GPHN: variants seen among roughly 807,000 people sequenced by gnomAD.
GPHN encodes the protein gephyrin.
A neutral mutation model predicts 95.5 loss-of-function variants in GPHN; 17 were observed. The observed-to-expected ratio is 0.18, with a 90% CI of 0.12 to 0.27. The LOEUF (loss-of-function observed/expected upper bound fraction) is 0.27, where lower values mean the gene tolerates loss of function less well. Among genes scored for constraint, GPHN ranks in the 10% least tolerant of loss-of-function variants. GPHN has a pLI of 1.00. For missense variants in GPHN, 660 were observed against 978.1 expected, an observed-to-expected ratio of 0.67 and a Z score of 4.34; for synonymous variants, 320 against 322.5, an observed-to-expected ratio of 0.99 and a Z score of 0.08.
intron 2 of GPHN, among the ~76,000 whole-genome samples, chr14:66,741,182 C>T (rs1231341908): frequency 6.6e-6 from 1 of 152,178 alleles, no homozygotes; most frequent in African/African-American, 2.4e-5. Context: ...TTGGGGAACA[C>T]ATTCAAACTA....
the GPHN span, chr14:67,674,601 C>T: frequency 2.4e-6 from 2 of 827,632 alleles, no homozygotes; most frequent in Admixed American, 3.5e-5. Context: ...GCCGCACCAC[C>T]GCCGCCCAGG....
intron 18 of GPHN, among the ~76,000 whole-genome samples, chr14:67,151,849 G>T (rs2081306197): frequency 6.6e-6 from 1 of 152,030 alleles, no homozygotes; most frequent in Non-Finnish European, 1.5e-5. Flanking sequence ...TCACCATGTT[G>T]GCCAAGCTGG....
At chr14:67,688,754 A>G in the GPHN span, among the ~76,000 whole-genome samples, 1 of 152,118 alleles carries the variant, frequency 6.6e-6, no homozygotes, top group Non-Finnish European at 1.5e-5. Flanking sequence ...GCTTTTTACA[A>G]TGAGAATTAT....
At chr14:67,238,268 T>G in the GPHN span, among the ~76,000 whole-genome samples, 1 of 138,186 alleles carries the variant, frequency 7.2e-6, no homozygotes, top group African/African-American at 3.1e-5. Flanking sequence ...TTTCTTGCTT[T>G]CTTTTTTTTT....
chr14:66,834,876 A>T (rs1335046950), intron 4 of GPHN, among the ~76,000 whole-genome samples: 1 of 140,412 alleles, frequency 7.1e-6, no homozygotes, highest in African/African-American at 2.7e-5. Context: ...CTGTGAATCC[A>T]TCTGGTCCTG....
the GPHN span, among the ~76,000 whole-genome samples, chr14:67,331,329 G>A: frequency 6.6e-6 from 1 of 152,196 alleles, no homozygotes; most frequent in Non-Finnish European, 1.5e-5. Context: ...ACAGGCGGGG[G>A]AGCCCCTGCG....
rs1159957573 is a variant in GPHN at position 66,546,110 on chromosome 14, C to T, written c.64+37519C>T. On this transcript the variant is annotated intron_variant, in intron 1 of 22. Coordinates refer to ENST00000478722, the MANE Select transcript of GPHN (RefSeq NM_020806.5). ...CCCAGACGGGGCGGCGGGGCAGAGGCGCTCCCCACATCTCAGACGATGGGC... is the reference window on the plus strand; with the variant it reads ...CCCAGACGGGGCGGCGGGGCAGAGGTGCTCCCCACATCTCAGACGATGGGC... Among the ~76,000 whole-genome samples, 5 of 148,720 alleles carry T rather than the reference C, an allele frequency of 3.4e-5. No individual in the cohort carries two copies. In the South Asian group the frequency reaches 8.5e-4, roughly 25 times the overall value.
intron 2 of GPHN, among the ~76,000 whole-genome samples, chr14:66,707,322 C>T (rs1224433845): frequency 6.6e-6 from 1 of 152,132 alleles, no homozygotes; most frequent in African/African-American, 2.4e-5. Flanking sequence ...GGTATATACC[C>T]AGAGGAATAT....
chr14:66,766,024 C>A (rs1422332296), intron 2 of GPHN, among the ~76,000 whole-genome samples: 2 of 152,056 alleles, frequency 1.3e-5, no homozygotes, highest in African/African-American at 2.4e-5. Flanking sequence ...CCAGTTTAAG[C>A]AGGACTTGAG....
At chr14:67,055,756 C>A (rs970450488) in intron 10 of GPHN, among the ~76,000 whole-genome samples, 1 of 152,126 alleles carries the variant, frequency 6.6e-6, no homozygotes, top group African/African-American at 2.4e-5. Context: ...AGCCGCGGAC[C>A]CTCGCAGTGA....
At chr14:67,648,205 A>T in the GPHN span, 108 of 1,607,538 alleles carry the variant, frequency 6.7e-5, no homozygotes, top group Non-Finnish European at 9.1e-5. Flanking sequence ...CCAGGTCTGC[A>T]GCCTGTTAAC....
chr14:67,068,750 T>A (rs551120978), intron 11 of GPHN, among the ~76,000 whole-genome samples: 1 of 152,348 alleles, frequency 6.6e-6, no homozygotes, highest in Non-Finnish European at 1.5e-5. Flanking sequence ...AAGGAAACTT[T>A]AAGTTTTGCT....
At chr14:67,331,760 C>G in the GPHN span, among the ~76,000 whole-genome samples, 1 of 152,014 alleles carries the variant, frequency 6.6e-6, no homozygotes, top group Non-Finnish European at 1.5e-5. Context: ...ACTCCAATAC[C>G]ACAAAGTTTC....
intron 5 of GPHN, among the ~76,000 whole-genome samples, chr14:66,888,706 T>C (rs2064323398): frequency 1.3e-5 from 2 of 152,222 alleles, no homozygotes; most frequent in South Asian, 4.1e-4. Flanking sequence ...GGAAAACCCT[T>C]AACAAAATGG....
At chr14:67,130,307 G>A (rs1277242953) in intron 17 of GPHN, among the ~76,000 whole-genome samples, 2 of 151,840 alleles carry the variant, frequency 1.3e-5, no homozygotes, top group African/African-American at 4.8e-5. Flanking sequence ...GTCTATTGTT[G>A]CCATCATTAT....
chr14:66,707,769 G>T (rs577529360), intron 2 of GPHN, among the ~76,000 whole-genome samples: 2 of 138,232 alleles, frequency 1.4e-5, no homozygotes, highest in African/African-American at 3.2e-5. Flanking sequence ...TTCTGTATAG[G>T]TATCCTAGAA....
the GPHN span, among the ~76,000 whole-genome samples, chr14:67,603,996 G>GTTTTT: frequency 6.6e-3 from 990 of 150,092 alleles, 6 homozygotes; most frequent in Non-Finnish European, 9.6e-3. Flanking sequence ...CTTGTTTTTT[G>GTTTTT]TTTTTGTTTT....
intron 2 of GPHN, among the ~76,000 whole-genome samples, chr14:66,710,125 T>C (rs980173706): frequency 2.0e-5 from 3 of 152,328 alleles, no homozygotes; most frequent in South Asian, 2.1e-4. Flanking sequence ...TTTATACAAC[T>C]GTAAATGCTT....
the GPHN span, chr14:67,725,263 C>G: frequency 3.7e-6 from 6 of 1,612,684 alleles, no homozygotes; most frequent in Non-Finnish European, 5.1e-6. Flanking sequence ...AGGTGAGGTC[C>G]TGATGGGTAG....
Sources: gnomAD v4.1 joint callset for allele counts (sites outside exome capture counted in the v4.1 genomes callset) on GRCh38, gnomAD v4.1.1 for gene constraint, MANE v1.5 for transcripts, NCBI Gene and HGNC (gene_info 2026-07-23, HGNC 2026-07-21) for gene names.